RTTN: variants seen among roughly 807,000 people sequenced by gnomAD.
RTTN encodes rotatin.
In RTTN, 182 loss-of-function variants were observed where a neutral mutation model predicts 269.2. The observed-to-expected ratio is 0.68, with a 90% confidence interval of 0.60 to 0.76. RTTN has a LOEUF of 0.76. RTTN is among the 30% of genes least tolerant of loss of function. The pLI is 0.00. For missense variants in RTTN, 2,545 were observed against 2,608.6 expected (o/e 0.98, Z 0.53); for synonymous variants, 1,006 against 963.5 (o/e 1.04, Z -0.82).
chr18:70,113,016 C>T (rs1318089863), intron 27 of RTTN, among the ~76,000 whole-genome samples: 1 of 152,196 alleles, frequency 6.6e-6, no homozygotes, highest in East Asian at 1.9e-4. Context: ...AAGAAACTCA[C>T]TCCAAACCGC....
At chr18:70,182,164 T>A (rs947285725) in intron 10 of RTTN, among the ~76,000 whole-genome samples, 6 of 152,204 alleles carry the variant, frequency 3.9e-5, no homozygotes, top group African/African-American at 1.4e-4. Flanking sequence ...AGAACTATTA[T>A]CAGAAAATGA....
In RTTN at chr18:70,048,105, T is replaced by C. The variant is rs2057543824; in HGVS notation, c.5407A>G (p.Thr1803Ala). ...TGGAGATGCCCTTTTGCTTCTTCGG[T>C]CAAGAGAACAGAAAGGAATTGCAAG... ...ASLQFLSVLLTEEAKGHLQAK... is the reference protein window; with the variant it reads ...ASLQFLSVLLAEEAKGHLQAK... The change falls in exon 40 of 49, where the codon ACC (threonine) becomes GCC (alanine). Residue 1803 changes from threonine (T) to alanine (A), a missense_variant. Physicochemically the swap from Thr to Ala is moderately conservative, Grantham distance 58. Coordinates refer to ENST00000640769, the MANE Select transcript of RTTN (RefSeq NM_173630.4). 1.2e-6 allele frequency: 2 copies of C among 1,613,930 alleles called. No individual in the cohort carries two copies. The highest frequency in any genetic ancestry group is 8.5e-7 in the Non-Finnish European group (1 of 1,179,996).
intron 25 of RTTN, among the ~76,000 whole-genome samples, chr18:70,125,222 T>C (rs931918797): frequency 3.3e-5 from 5 of 152,048 alleles, no homozygotes; most frequent in South Asian, 2.1e-4. Flanking sequence ...TAGTGATAAA[T>C]AGTCATGGTT....
intron 18 of RTTN, 48 bp from the exon 19 acceptor site, chr18:70,142,435 C>T (rs1477463115): frequency 9.8e-7 from 1 of 1,020,448 alleles, no homozygotes; most frequent in Non-Finnish European, 1.5e-6. Flanking sequence ...TATCTGCTTC[C>T]AATTCTCCAA....
intron 40 of RTTN, among the ~76,000 whole-genome samples, chr18:70,038,109 G>A (rs1360152641): frequency 1.3e-5 from 2 of 152,184 alleles, no homozygotes; most frequent in African/African-American, 2.4e-5. Context: ...AGAACATCAG[G>A]TAAAATTCTA....
intron 11 of RTTN, among the ~76,000 whole-genome samples, chr18:70,173,265 C>T (rs2061191487): frequency 6.6e-6 from 1 of 152,034 alleles, no homozygotes; most frequent in Non-Finnish European, 1.5e-5. Flanking sequence ...GAGGCCAAGG[C>T]AGGCAAAACA....
intron 4 of RTTN, 132 bp from the exon 5 acceptor site, chr18:70,199,636 C>A: frequency 3.5e-6 from 2 of 577,100 alleles, no homozygotes; most frequent in Non-Finnish European, 6.2e-6. Context: ...CTAAAATATA[C>A]CAAACAAGGT....
intron 19 of RTTN, 74 bp from the exon 20 acceptor site, chr18:70,140,262 G>C: frequency 1.3e-6 from 1 of 791,870 alleles, no homozygotes; most frequent in Non-Finnish European, 2.1e-6. Context: ...GAAATACTCA[G>C]AACTGATATC....
In RTTN at chr18:70,150,630, C is replaced by A; in HGVS notation, c.2033G>T (p.Gly678Val). 6.2e-7 allele frequency: 1 copy of A among 1,612,018 alleles called. No individual in the cohort carries two copies. The change falls in exon 15 of 49, where the codon GGC (glycine) becomes GTC (valine). Residue 678 changes from glycine to valine, a missense_variant. Coordinates refer to ENST00000640769, the MANE Select transcript of RTTN (RefSeq NM_173630.4). ...TACCTCACTTTCGGGCTCTTGAATG[C>A]CAAATACAGAGATTTCATACAGAAC... ...PKVLYEISVF[G>V]IQEPESEVNT...
chr18:70,150,792 C>G lies in RTTN; in HGVS notation c.1930-59G>C, dbSNP rs1019696088. The G allele has an allele frequency of 2.9e-6, 4 of 1,358,484 alleles. 1 individual carries two copies. In the South Asian group the frequency reaches 4.1e-5, roughly 14 times the overall value. The allele number at this position is 1,358,484 out of a possible 1,614,324, so 84.2% of individuals were successfully genotyped here. Reference sequence around the variant, plus strand: ...AGCAACACTGATTTTTCCAAAAGATCCATCTTTCTTCTGTTTACAATCCCA... The same window carrying G: ...AGCAACACTGATTTTTCCAAAAGATGCATCTTTCTTCTGTTTACAATCCCA... On this transcript the variant is annotated intron_variant, in intron 14 of 48. Coordinates refer to ENST00000640769, the MANE Select transcript of RTTN (RefSeq NM_173630.4).
At chr18:70,127,762 T>A (rs767415956) in intron 24 of RTTN, 21 bp from the exon 25 acceptor site, 1 of 1,585,174 alleles carries the variant, frequency 6.3e-7, no homozygotes, top group South Asian at 1.1e-5. Flanking sequence ...AGAAAAAAAA[T>A]GAAGGAGGAA....
chr18:70,148,361 T>C (rs2145777688), intron 17 of RTTN, among the ~76,000 whole-genome samples: 1 of 152,324 alleles, frequency 6.6e-6, no homozygotes, highest in South Asian at 2.1e-4. Flanking sequence ...TCATTCTCCT[T>C]CTTTTCATTA....
At chr18:70,114,403 T>A in intron 27 of RTTN, 42 bp downstream of exon 27, 1 of 1,561,712 alleles carries the variant, frequency 6.4e-7, no homozygotes, top group Non-Finnish European at 8.7e-7. Flanking sequence ...AAACTTGGGT[T>A]CTATATAAAT....
intron 10 of RTTN, among the ~76,000 whole-genome samples, 159 bp from the exon 11 acceptor site, chr18:70,177,004 G>A (rs2145986962): frequency 6.6e-6 from 1 of 152,238 alleles, no homozygotes; most frequent in East Asian, 1.9e-4. Context: ...AATGCCTGCT[G>A]ACATAATTTA....
intron 46 of RTTN, among the ~76,000 whole-genome samples, chr18:70,011,143 G>A (rs2056359955): frequency 6.6e-6 from 1 of 152,098 alleles, no homozygotes; most frequent in African/African-American, 2.4e-5. Flanking sequence ...ATTCACAGCC[G>A]AATTCTACCA....
At chr18:70,052,844 A>T (rs1018605933) in intron 38 of RTTN, among the ~76,000 whole-genome samples, 3 of 152,084 alleles carry the variant, frequency 2.0e-5, no homozygotes, top group African/African-American at 7.2e-5. Flanking sequence ...TTTTAATTTA[A>T]CCAGCTAATA....
intron 14 of RTTN, among the ~76,000 whole-genome samples, chr18:70,162,175 G>T (rs1429019421): frequency 6.6e-6 from 1 of 152,096 alleles, no homozygotes; most frequent in Non-Finnish European, 1.5e-5. Flanking sequence ...AAACTACTCA[G>T]CCATTAAAAA....
At chr18:70,107,001 T>C (rs982264680) in intron 28 of RTTN, among the ~76,000 whole-genome samples, 15 of 152,200 alleles carry the variant, frequency 9.9e-5, no homozygotes, top group African/African-American at 3.1e-4. Flanking sequence ...AATTTTTGGA[T>C]TCAGACAGTT....
chr18:70,205,484 G>A, intron 1 of RTTN, 144 bp downstream of exon 1: 1 of 1,316,744 alleles, frequency 7.6e-7, no homozygotes, highest in African/African-American at 1.4e-5. Flanking sequence ...GTCCGAGATG[G>A]GTCCCCGGGG....
Sources: gnomAD v4.1 joint callset for allele counts (sites outside exome capture counted in the v4.1 genomes callset) on GRCh38, gnomAD v4.1.1 for gene constraint, MANE v1.5 for transcripts, NCBI Gene and HGNC (gene_info 2026-07-23, HGNC 2026-07-21) for gene names.